The following PDS5B variants were observed in gnomAD, a reference collection of about 807,000 sequenced individuals.
The protein encoded by PDS5B is sister chromatid cohesion protein PDS5 homolog B.
In PDS5B, 51 loss-of-function variants were observed where a neutral mutation model predicts 184.1. The observed-to-expected ratio is 0.28, with a 90% confidence interval of 0.22 to 0.35. The LOEUF (loss-of-function observed/expected upper bound fraction) is 0.35. PDS5B is among the 10% of genes least tolerant of loss of function. The probability of loss-of-function intolerance (pLI) is 1.00; values close to 1 mark genes in which losing one functional copy is unlikely to be tolerated. For synonymous variants in PDS5B, 566 were observed against 569.2 expected, an observed-to-expected ratio of 0.99 and a Z score of 0.08; for missense variants, 1,180 against 1,723.3, an observed-to-expected ratio of 0.68 and a Z score of 5.58.
intron 21 of PDS5B, among the ~76,000 whole-genome samples, chr13:32,736,268 T>A (rs912810365): frequency 6.6e-6 from 1 of 152,140 alleles, no homozygotes; most frequent in Non-Finnish European, 1.5e-5. Flanking sequence ...ATGATTTTCT[T>A]TCTATCTAAA....
intron 1 of PDS5B, among the ~76,000 whole-genome samples, chr13:32,631,474 A>G (rs923238876): frequency 2.0e-5 from 3 of 152,214 alleles, no homozygotes; most frequent in South Asian, 2.1e-4. Flanking sequence ...AATATAAGCT[A>G]TGCCACGAGA....
At chr13:32,644,964 A>G (rs1194016853) in intron 1 of PDS5B, among the ~76,000 whole-genome samples, 1 of 152,078 alleles carries the variant, frequency 6.6e-6, no homozygotes, top group Admixed American at 6.6e-5. Context: ...TTTTGCATTT[A>G]TGATTAAGAT....
At chr13:32,586,966 G>GGGCCGCCC (rs1213074536) in intron 1 of PDS5B, among the ~76,000 whole-genome samples, 26 of 142,998 alleles carry the variant, frequency 1.8e-4, no homozygotes, top group African/African-American at 4.8e-4. Flanking sequence ...GGGGGTCTCG[G>GGGCCGCCC]GGCCGCCCGG....
intron 21 of PDS5B, among the ~76,000 whole-genome samples, chr13:32,737,824 C>G (rs1299485787): frequency 2.6e-5 from 4 of 152,102 alleles, no homozygotes; most frequent in African/African-American, 9.7e-5. Flanking sequence ...CCTTAGAGTT[C>G]TTAGAGTTTT....
intron 17 of PDS5B, 124 bp downstream of exon 17, chr13:32,701,562 A>G: frequency 1.7e-6 from 1 of 584,660 alleles, no homozygotes; most frequent in South Asian, 2.1e-5. Context: ...ACTCCTCTGT[A>G]TATACTCCTC....
intron 17 of PDS5B, among the ~76,000 whole-genome samples, chr13:32,704,955 C>T (rs1593468339): frequency 1.3e-5 from 2 of 152,078 alleles, no homozygotes; most frequent in Non-Finnish European, 2.9e-5. Context: ...TTGTTTTACT[C>T]CACTGAATTC....
chr13:32,749,868 G>A (rs1210066508), intron 24 of PDS5B, among the ~76,000 whole-genome samples: 1 of 151,924 alleles, frequency 6.6e-6, no homozygotes, highest in Non-Finnish European at 1.5e-5. Context: ...GACACCATCT[G>A]TTTTTTTCTT....
chr13:32,665,588 CAAA>C (rs34604938), intron 6 of PDS5B, among the ~76,000 whole-genome samples: 36 of 25,872 alleles, frequency 1.4e-3, no homozygotes, highest in African/African-American at 4.9e-3. Flanking sequence ...GACTCCGACT[CAAA>C]AAAAAAAAAA....
rs1157594674 is a variant in PDS5B, at chr13:32,777,596, A to G, written c.*2544A>G. ...ATGTACTGTATAACATTAAGAAAAT[A>G]TTTAACTCCCTGTAACAAGTTCCAT... On this transcript the variant is annotated 3_prime_UTR_variant, in exon 35 of 35. Coordinates refer to ENST00000315596, the MANE Select transcript of PDS5B (RefSeq NM_015032.4). The G allele has an allele frequency of 6.6e-6, 1 of 152,320 alleles. No individual in the cohort carries two copies. The highest frequency in any genetic ancestry group is 1.9e-4 in the East Asian group (1 of 5,196). 9.4% of individuals were successfully genotyped at this position (152,320 alleles called of 1,614,324 possible).
At chr13:32,652,149 T>G in intron 3 of PDS5B, 142 bp downstream of exon 3, 1 of 623,922 alleles carries the variant, frequency 1.6e-6, no homozygotes, top group East Asian at 2.8e-5. Flanking sequence ...CTTAATGTTT[T>G]TTTTTTTTTT....
intron 19 of PDS5B, among the ~76,000 whole-genome samples, chr13:32,722,936 CTT>C (rs1265236383): frequency 6.6e-6 from 1 of 152,174 alleles, no homozygotes; most frequent in Non-Finnish European, 1.5e-5. Context: ...GAAACCAGCT[CTT>C]TGCAGATTTA....
At chr13:32,672,826 T>C (rs1593392277) in intron 7 of PDS5B, among the ~76,000 whole-genome samples, 1 of 152,196 alleles carries the variant, frequency 6.6e-6, no homozygotes, top group Non-Finnish European at 1.5e-5. Context: ...TCTGCAAACA[T>C]CATTGCAGAC....
intron 6 of PDS5B, among the ~76,000 whole-genome samples, chr13:32,660,127 C>A (rs1950605308): frequency 6.6e-6 from 1 of 152,104 alleles, no homozygotes; most frequent in African/African-American, 2.4e-5. Flanking sequence ...TCTTCCCACC[C>A]CTCACTCCTT....
At position 32,735,336 on chromosome 13, in the gene PDS5B, TTA is replaced by T. The variant is rs763559374; in HGVS notation, c.2406+10_2406+11del. The stretch of plus-strand genomic sequence containing the variant: ...ATCTTCTCATGAATGATCGGGTAAT[TTA>T]TATTTTTTAGATTCATGTTCTTTGT... On this transcript the variant is annotated splice_region_variant and intron_variant, in intron 21 of 34. Coordinates refer to ENST00000315596, the MANE Select transcript of PDS5B (RefSeq NM_015032.4). The T allele has an allele frequency of 6.3e-7, 1 of 1,590,774 alleles. No homozygotes were observed. Among genetic ancestry groups the T allele is most frequent in the Non-Finnish European group, 8.6e-7 (1 of 1,165,982 alleles).
intron 25 of PDS5B, 73 bp downstream of exon 25, chr13:32,753,609 A>G: frequency 1.1e-6 from 1 of 909,268 alleles, no homozygotes; most frequent in Non-Finnish European, 1.7e-6. Context: ...ATAGCATGAT[A>G]TATGATATTA....
intron 1 of PDS5B, among the ~76,000 whole-genome samples, chr13:32,602,966 T>C (rs914091205): frequency 2.0e-5 from 3 of 152,226 alleles, no homozygotes; most frequent in African/African-American, 7.2e-5. Context: ...GTAAATTTGT[T>C]TAAGTTCTTT....
chr13:32,613,493 T>C (rs1204814645), intron 1 of PDS5B, among the ~76,000 whole-genome samples: 1 of 152,248 alleles, frequency 6.6e-6, no homozygotes, highest in East Asian at 1.9e-4. Context: ...TGATTAATGA[T>C]GCTGAGCATC....
intron 1 of PDS5B, among the ~76,000 whole-genome samples, chr13:32,625,988 A>G (rs1189948060): frequency 6.6e-6 from 1 of 152,018 alleles, no homozygotes; most frequent in Non-Finnish European, 1.5e-5. Flanking sequence ...ACAGGCACGC[A>G]CTACCAACGC....
intron 25 of PDS5B, among the ~76,000 whole-genome samples, chr13:32,754,966 A>T (rs1006240894): frequency 2.6e-5 from 4 of 152,168 alleles, no homozygotes; most frequent in African/African-American, 9.6e-5. Flanking sequence ...TAAATATTTG[A>T]TAGAATTTAA....
Sources: allele counts gnomAD v4.1 joint callset (sites outside exome capture counted in the v4.1 genomes callset), GRCh38; gene constraint gnomAD v4.1.1; transcripts MANE v1.5; gene names NCBI Gene and HGNC (gene_info 2026-07-23, HGNC 2026-07-21).